The following HS6ST3 variants were observed in gnomAD, a reference collection of about 807,000 sequenced individuals.
HS6ST3 encodes heparan-sulfate 6-O-sulfotransferase 3.
HS6ST3 carries 12 observed loss-of-function variants against 36.7 expected under a neutral mutation model. The ratio of observed to expected loss-of-function variants is 0.33; its 90% CI spans 0.21 to 0.53. The LOEUF (loss-of-function observed/expected upper bound fraction) is 0.53, where lower values mean the gene tolerates loss of function less well. Among genes scored for constraint, HS6ST3 ranks in the 20% least tolerant of loss-of-function variants. The pLI is 0.95. For synonymous variants in HS6ST3, 240 were observed against 257.5 expected (o/e 0.93, Z 0.65); for missense variants, 584 against 640.9 (o/e 0.91, Z 0.96).
intron 1 of HS6ST3, among the ~76,000 whole-genome samples, chr13:96,201,505 A>G (rs1479038443): frequency 6.6e-6 from 1 of 152,228 alleles, no homozygotes; most frequent in Non-Finnish European, 1.5e-5. Context: ...CATTGCATGA[A>G]TAATGTTACA....
At chr13:96,469,128 G>C (rs1438421431) in intron 1 of HS6ST3, among the ~76,000 whole-genome samples, 1 of 152,020 alleles carries the variant, frequency 6.6e-6, no homozygotes, top group Non-Finnish European at 1.5e-5. Flanking sequence ...AAGAATAACT[G>C]TTTTTCTTTA....
At chr13:96,695,334 G>A (rs1177387640) in intron 1 of HS6ST3, among the ~76,000 whole-genome samples, 1 of 152,200 alleles carries the variant, frequency 6.6e-6, no homozygotes, top group Non-Finnish European at 1.5e-5. Flanking sequence ...CCTTCTGAAT[G>A]TCTGATAGCC....
chr13:96,657,731 C>G (rs2056630664), intron 1 of HS6ST3, among the ~76,000 whole-genome samples: 1 of 152,232 alleles, frequency 6.6e-6, no homozygotes, highest in South Asian at 2.1e-4. Flanking sequence ...CGGAACCTTA[C>G]ATGGCAGCAG....
chr13:96,815,019 G>A (rs777179799), intron 1 of HS6ST3, among the ~76,000 whole-genome samples: 1 of 152,118 alleles, frequency 6.6e-6, no homozygotes, highest in Admixed American at 6.6e-5. Flanking sequence ...ACATTCATCT[G>A]TCTCTCCAAT....
chr13:96,381,410 G>GTATTTATCTATCTATCTATCTATCTATC (rs2055340495), intron 1 of HS6ST3, among the ~76,000 whole-genome samples: 1 of 138,578 alleles, frequency 7.2e-6, no homozygotes, highest in African/African-American at 2.6e-5. Flanking sequence ...ATGTATCTAT[G>GTATTTATCTATCTATCTATCTATCTATC]TATCTATCTA....
intron 1 of HS6ST3, among the ~76,000 whole-genome samples, chr13:96,672,119 A>T (rs2056684639): frequency 6.6e-6 from 1 of 152,120 alleles, no homozygotes; most frequent in Non-Finnish European, 1.5e-5. Flanking sequence ...CATGATAAAT[A>T]TTCTGCATTG....
chr13:96,580,941 A>G (rs2056339859), intron 1 of HS6ST3, among the ~76,000 whole-genome samples: 2 of 152,164 alleles, frequency 1.3e-5, no homozygotes, highest in South Asian at 4.1e-4. Flanking sequence ...AAATAATGGA[A>G]GTTTTAGTTT....
rs1878952363 is a variant in HS6ST3 at position 96,837,360 on chromosome 13, A to G, written c.*4162A>G. 6.6e-6 allele frequency: 1 copy of G among 151,878 alleles called. No individual in the cohort carries two copies. The highest frequency in any genetic ancestry group is 1.5e-5 in the Non-Finnish European group (1 of 67,988). The allele number at this position is 151,878 out of a possible 1,614,324, so 9.4% of individuals were successfully genotyped here. On this transcript the variant is annotated 3_prime_UTR_variant, in exon 2 of 2. Coordinates refer to ENST00000376705, the MANE Select transcript of HS6ST3 (RefSeq NM_153456.4). ...ATTACATTCTTGTGTGCTAAATAGG[A>G]CCTCTATTCATTACACCACTTGCTA...
intron 1 of HS6ST3, among the ~76,000 whole-genome samples, chr13:96,119,914 A>T (rs1030187705): frequency 3.3e-5 from 5 of 151,386 alleles, no homozygotes; most frequent in Admixed American, 3.3e-4. Context: ...ACCCTAGGGG[A>T]TTATTCAGGA....
intron 1 of HS6ST3, among the ~76,000 whole-genome samples, chr13:96,691,747 G>A (rs572018630): frequency 1.1e-4 from 17 of 152,098 alleles, no homozygotes; most frequent in Non-Finnish European, 2.5e-4. Flanking sequence ...TAGCAAATTT[G>A]GATGTGTAAC....
intron 1 of HS6ST3, among the ~76,000 whole-genome samples, chr13:96,786,160 C>T (rs924551719): frequency 7.9e-5 from 12 of 152,188 alleles, no homozygotes; most frequent in African/African-American, 2.6e-4. Flanking sequence ...GTTCCCTTCC[C>T]CTTGCTGCTC....
intron 1 of HS6ST3, among the ~76,000 whole-genome samples, chr13:96,440,550 T>C (rs150943311): frequency 0.011 from 1,724 of 152,092 alleles, 39 homozygotes; most frequent in African/African-American, 0.04. Context: ...TAGTTTAAGA[T>C]GGCTTGCATA....
intron 1 of HS6ST3, among the ~76,000 whole-genome samples, chr13:96,752,675 G>A (rs1008561175): frequency 6.6e-6 from 1 of 151,462 alleles, no homozygotes; most frequent in Admixed American, 6.6e-5. Context: ...TGACGTTTAG[G>A]ATTTCTGGAC....
chr13:96,141,812 G>C (rs978928228), intron 1 of HS6ST3, among the ~76,000 whole-genome samples: 1 of 152,076 alleles, frequency 6.6e-6, no homozygotes, highest in Admixed American at 6.6e-5. Flanking sequence ...TCTATGGAAA[G>C]AATTGTCAAC....
chr13:96,580,354 G>C (rs1311615581), intron 1 of HS6ST3, among the ~76,000 whole-genome samples: 1 of 150,436 alleles, frequency 6.6e-6, no homozygotes, highest in Non-Finnish European at 1.5e-5. Context: ...AATGGAAGCA[G>C]CTAAGTCACG....
intron 1 of HS6ST3, among the ~76,000 whole-genome samples, chr13:96,663,321 C>T (rs914628493): frequency 6.6e-6 from 1 of 152,174 alleles, no homozygotes; most frequent in Admixed American, 6.5e-5. Context: ...AAACTTCTCT[C>T]CCACAGTTCT....
chr13:96,283,973 A>G (rs2054787808), intron 1 of HS6ST3, among the ~76,000 whole-genome samples: 1 of 152,122 alleles, frequency 6.6e-6, no homozygotes, highest in Admixed American at 6.6e-5. Flanking sequence ...TAAAATTGAT[A>G]GTTTGCTTAT....
At chr13:96,353,207 T>C (rs2055192689) in intron 1 of HS6ST3, among the ~76,000 whole-genome samples, 1 of 151,856 alleles carries the variant, frequency 6.6e-6, no homozygotes, top group South Asian at 2.1e-4. Flanking sequence ...GTGTGTTTTG[T>C]ATTTTTAGTA....
At position 96,646,941 on chromosome 13, in the gene HS6ST3, C is replaced by T. The variant is rs532325112; in HGVS notation, c.708-185549C>T. Among the ~76,000 whole-genome samples the T allele has an allele frequency of 2.1e-4, 32 of 152,030 alleles. No homozygotes were observed. In the South Asian group the frequency reaches 5.4e-3, roughly 26 times the overall value. On this transcript the variant is annotated intron_variant, in intron 1 of 1. Coordinates refer to ENST00000376705, the MANE Select transcript of HS6ST3 (RefSeq NM_153456.4). ...TCAGAGGCTCTTCTAAGATCTAGGG[C>T]GAGCATTCAACTACAATTTGAGAAG...
Sources: gnomAD v4.1 joint callset for allele counts (sites outside exome capture counted in the v4.1 genomes callset) on GRCh38, gnomAD v4.1.1 for gene constraint, MANE v1.5 for transcripts, NCBI Gene and HGNC (gene_info 2026-07-23, HGNC 2026-07-21) for gene names.